The following GRIP1 variants were observed in gnomAD, a reference collection of about 807,000 sequenced individuals.
GRIP1 encodes the protein glutamate receptor-interacting protein 1.
GRIP1 carries 45 observed loss-of-function variants against 129.9 expected under a neutral mutation model. The observed-to-expected ratio is 0.35, with a 90% confidence interval of 0.27 to 0.44. GRIP1 has a LOEUF of 0.44. Ranked by LOEUF, GRIP1 falls within the 20% of genes least tolerant of loss-of-function variation. The probability of loss-of-function intolerance (pLI) is 1.00; values close to 1 mark genes in which losing one functional copy is unlikely to be tolerated. For synonymous variants in GRIP1, 530 were observed against 520.8 expected (o/e 1.02, Z -0.24); for missense variants, 1,196 against 1,396.8 (o/e 0.86, Z 2.29).
At chr12:66,545,659 G>A (rs2061926216) in intron 2 of GRIP1, among the ~76,000 whole-genome samples, 1 of 152,152 alleles carries the variant, frequency 6.6e-6, no homozygotes, top group South Asian at 2.1e-4. Flanking sequence ...CTATGTGCCA[G>A]ACAGTGTTTG....
intron 1 of GRIP1, among the ~76,000 whole-genome samples, chr12:66,846,606 T>C (rs561032410): frequency 6.6e-6 from 1 of 152,338 alleles, no homozygotes; most frequent in Non-Finnish European, 1.5e-5. Context: ...TATGAATATG[T>C]TTCTTACCTT....
chr12:66,431,577 C>T (rs371691527), intron 14 of GRIP1, among the ~76,000 whole-genome samples: 1 of 152,128 alleles, frequency 6.6e-6, no homozygotes, highest in Non-Finnish European at 1.5e-5. Context: ...TTGCCTGAAC[C>T]ACTGACAGAA....
intron 2 of GRIP1, among the ~76,000 whole-genome samples, chr12:66,573,741 G>A (rs972594414): frequency 2.0e-5 from 3 of 152,172 alleles, no homozygotes; most frequent in African/African-American, 7.2e-5. Flanking sequence ...TCCAAACACA[G>A]GTGCTAGTCA....
chr12:66,968,729 ATTAGT>A (rs2042031726), intron 1 of GRIP1, among the ~76,000 whole-genome samples: 1 of 152,128 alleles, frequency 6.6e-6, no homozygotes, highest in South Asian at 2.1e-4. Context: ...CGTTACAATT[ATTAGT>A]TTAAACAAAG....
chr12:66,571,574 G>A (rs191696305), intron 2 of GRIP1, among the ~76,000 whole-genome samples: 36 of 152,044 alleles, frequency 2.4e-4, no homozygotes, highest in African/African-American at 6.8e-4. Context: ...ACAGAAAAGA[G>A]TACAGTTTCC....
intron 1 of GRIP1, among the ~76,000 whole-genome samples, chr12:66,820,186 A>G (rs1314252897): frequency 2.0e-5 from 3 of 152,362 alleles, no homozygotes; most frequent in African/African-American, 7.2e-5. Context: ...CGAGGTGGGC[A>G]TATCACGAGG....
intron 1 of GRIP1, among the ~76,000 whole-genome samples, chr12:66,757,624 G>C (rs1299498061): frequency 6.6e-6 from 1 of 152,158 alleles, no homozygotes; most frequent in Non-Finnish European, 1.5e-5. Context: ...CAGTTGGATT[G>C]CTGGACCATA....
At chr12:66,660,010 A>G (rs1413244968) in intron 1 of GRIP1, among the ~76,000 whole-genome samples, 3 of 152,222 alleles carry the variant, frequency 2.0e-5, no homozygotes, top group Non-Finnish European at 2.9e-5. Flanking sequence ...ATAGCATCAA[A>G]ATAAATCAAT....
chr12:66,391,666 A>G (rs938803456), intron 19 of GRIP1, among the ~76,000 whole-genome samples: 1 of 152,196 alleles, frequency 6.6e-6, no homozygotes, highest in African/African-American at 2.4e-5. Flanking sequence ...AGCCTGGAGA[A>G]CATGACAAGA....
At chr12:66,985,685 T>C (rs1380550312) in intron 1 of GRIP1, among the ~76,000 whole-genome samples, 1 of 152,202 alleles carries the variant, frequency 6.6e-6, no homozygotes, top group Non-Finnish European at 1.5e-5. Context: ...AAATGAGCAC[T>C]GCCACTCAGG....
intron 1 of GRIP1, among the ~76,000 whole-genome samples, chr12:66,974,728 C>T (rs934181133): frequency 3.3e-5 from 5 of 152,062 alleles, no homozygotes; most frequent in Admixed American, 2.0e-4. Context: ...TTTTACTGCA[C>T]ATTTTCCTTA....
At chr12:67,053,155 A>G (rs2043375547) in intron 1 of GRIP1, among the ~76,000 whole-genome samples, 1 of 152,186 alleles carries the variant, frequency 6.6e-6, no homozygotes, top group Non-Finnish European at 1.5e-5. Context: ...AGGAAGGGGT[A>G]GATCACTCAG....
chr12:66,928,744 T>C, intron 1 of GRIP1, among the ~76,000 whole-genome samples: 1 of 152,224 alleles, frequency 6.6e-6, no homozygotes, highest in East Asian at 1.9e-4. Context: ...GCATTTGACT[T>C]TTTAATCTTA....
At chr12:66,682,795 C>A (rs11615419), upstream of GRIP1, among the ~76,000 whole-genome samples, 26,836 of 152,116 alleles carry the variant, frequency 0.18, 2,534 homozygotes, top group African/African-American at 0.24. Flanking sequence ...GTTAATCCCA[C>A]AAATACTCAA....
chr12:66,698,366 G>A (rs1025825764), intron 1 of GRIP1, among the ~76,000 whole-genome samples: 17 of 152,154 alleles, frequency 1.1e-4, no homozygotes, highest in African/African-American at 3.6e-4. Flanking sequence ...AGGACGCCTT[G>A]TGTTTTTAAA....
intron 15 of GRIP1, among the ~76,000 whole-genome samples, chr12:66,412,330 A>T (rs1297914322): frequency 6.6e-6 from 1 of 152,236 alleles, no homozygotes; most frequent in Non-Finnish European, 1.5e-5. Flanking sequence ...CCAATATTCA[A>T]CATTCTTAAA....
chr12:66,416,217 T>C (rs1005796558), intron 15 of GRIP1, among the ~76,000 whole-genome samples: 4 of 151,820 alleles, frequency 2.6e-5, no homozygotes, highest in African/African-American at 9.7e-5. Context: ...CAAATGATAA[T>C]GGAAACACAA....
At chr12:66,365,841 G>A (rs912366355) in intron 23 of GRIP1, among the ~76,000 whole-genome samples, 12 of 152,188 alleles carry the variant, frequency 7.9e-5, no homozygotes, top group African/African-American at 2.7e-4. Context: ...CTGTAAGGTT[G>A]AGGCAAGATG....
At chr12:66,438,514 G>GT (rs34393525) in intron 13 of GRIP1, among the ~76,000 whole-genome samples, 128 of 139,590 alleles carry the variant, frequency 9.2e-4, no homozygotes, top group Middle Eastern at 7.5e-3. Flanking sequence ...TTGAGACGGA[G>GT]TTTTTTTTTT....
Sources: allele counts gnomAD v4.1 joint callset (sites outside exome capture counted in the v4.1 genomes callset), GRCh38; gene constraint gnomAD v4.1.1; transcripts MANE v1.5; gene names NCBI Gene and HGNC (gene_info 2026-07-23, HGNC 2026-07-21).